Variants in COG5 observed in about 807,000 individuals in gnomAD.
The protein encoded by COG5 is component of oligomeric golgi complex 5, also known as conserved oligomeric Golgi complex subunit 5.
Under a neutral mutation model 110.4 loss-of-function variants are expected in COG5, and 86 were observed. The observed-to-expected ratio is 0.78, with a 90% CI of 0.65 to 0.93. The LOEUF (loss-of-function observed/expected upper bound fraction) is 0.93, where lower values mean the gene tolerates loss of function less well. Among genes scored for constraint, COG5 ranks in the 40% least tolerant of loss-of-function variants. COG5 has a pLI of 0.00. For synonymous variants in COG5, 360 were observed against 334.6 expected, an observed-to-expected ratio of 1.08 and a Z score of -0.83; for missense variants, 1,077 against 987.0, an observed-to-expected ratio of 1.09 and a Z score of -1.22.
At chr7:107,249,413 A>G (rs1584571720) in intron 16 of COG5, among the ~76,000 whole-genome samples, 1 of 152,250 alleles carries the variant, frequency 6.6e-6, no homozygotes, top group Admixed American at 6.5e-5. Context: ...GAAACTGTTC[A>G]ACAGGGAGGT....
At chr7:107,512,253 C>T (rs1479473784) in intron 6 of COG5, among the ~76,000 whole-genome samples, 1 of 152,108 alleles carries the variant, frequency 6.6e-6, no homozygotes, top group African/African-American at 2.4e-5. Context: ...ACACCAATAA[C>T]AGACAAACAG....
In COG5 at chr7:107,268,791, C is replaced by T. The variant is rs549008375; in HGVS notation, c.1576-10408G>A. 5.8e-4 allele frequency among the ~76,000 whole-genome samples: 89 copies of T among 152,284 alleles called. No homozygotes were observed. In the South Asian group the frequency reaches 0.016, roughly 28 times the overall value. On this transcript the variant is annotated intron_variant, in intron 14 of 21. Transcript: ENST00000297135. ...GGTCTATTCTGTCTAATGTTAATAT[C>T]GTTATGTCAGCATTCTTCTGATTAG...
chr7:107,390,016 C>T (rs1336384590), intron 7 of COG5, among the ~76,000 whole-genome samples: 1 of 152,196 alleles, frequency 6.6e-6, no homozygotes, highest in African/African-American at 2.4e-5. Flanking sequence ...GGTGCAAGAA[C>T]AGGCTTGGTT....
At chr7:107,514,411 A>G (rs1415201341) in intron 6 of COG5, among the ~76,000 whole-genome samples, 1 of 151,976 alleles carries the variant, frequency 6.6e-6, no homozygotes, top group Non-Finnish European at 1.5e-5. Flanking sequence ...TAGCTCAATC[A>G]GAAGTCATTT....
At chr7:107,499,621 G>C (rs1311880536) in intron 6 of COG5, among the ~76,000 whole-genome samples, 1 of 151,926 alleles carries the variant, frequency 6.6e-6, no homozygotes, top group African/African-American at 2.4e-5. Context: ...TGGCCCAGCT[G>C]GTCTCGAACT....
rs888135291 is a variant in COG5 at position 107,546,063 on chromosome 7, G to A, written c.417+2048C>T. ...GGTATTAAACTAGAAATCAATAAAGGATGGATTTCGAAAAATTCACCAAAA... is the reference window on the plus strand; with the variant it reads ...GGTATTAAACTAGAAATCAATAAAGAATGGATTTCGAAAAATTCACCAAAA... On this transcript the variant is annotated intron_variant, in intron 5 of 21. Coordinates refer to ENST00000297135, the MANE Select transcript of COG5 (RefSeq NM_006348.5). Among the ~76,000 whole-genome samples the A allele has an allele frequency of 3.3e-5, 5 of 151,968 alleles. No homozygotes were observed. In the South Asian group the frequency reaches 6.2e-4, roughly 19 times the overall value.
chr7:107,359,967 C>T (rs964170703), intron 10 of COG5, among the ~76,000 whole-genome samples: 1 of 152,162 alleles, frequency 6.6e-6, no homozygotes, highest in African/African-American at 2.4e-5. Context: ...GAGGGCTGCA[C>T]AGGTGGCAAG....
At chr7:107,450,028 G>A (rs1795241507) in intron 6 of COG5, 1 of 152,186 alleles carries the variant, frequency 6.6e-6, no homozygotes, top group Non-Finnish European at 1.5e-5. Flanking sequence ...AAAGGGGTGT[G>A]GCTTTAAAAA....
intron 10 of COG5, among the ~76,000 whole-genome samples, chr7:107,359,847 T>C (rs1279323891): frequency 2.7e-5 from 4 of 149,516 alleles, no homozygotes; most frequent in East Asian, 2.0e-4. Flanking sequence ...GATGACCAGC[T>C]TGCAGATGGG....
chr7:107,251,049 A>G (rs1451507523), intron 16 of COG5, among the ~76,000 whole-genome samples: 1 of 151,722 alleles, frequency 6.6e-6, no homozygotes, highest in Non-Finnish European at 1.5e-5. Flanking sequence ...CAGATCCCAA[A>G]CAGGATAATT....
chr7:107,299,597 T>C (rs1157776282), intron 11 of COG5, among the ~76,000 whole-genome samples: 1 of 151,774 alleles, frequency 6.6e-6, no homozygotes, highest in African/African-American at 2.4e-5. Context: ...TCAAGCAATT[T>C]AAGAAAGAAA....
chr7:107,318,110 C>T (rs948400474), intron 11 of COG5, among the ~76,000 whole-genome samples: 4 of 152,064 alleles, frequency 2.6e-5, no homozygotes, highest in African/African-American at 9.7e-5. Flanking sequence ...TCACTGCAAC[C>T]TCCACCTTCC....
At chr7:107,409,253 C>G (rs1174623918) in intron 7 of COG5, among the ~76,000 whole-genome samples, 1 of 125,164 alleles carries the variant, frequency 8.0e-6, no homozygotes. Context: ...AAAAAGAAAA[C>G]AGGAGAGATT....
intron 11 of COG5, among the ~76,000 whole-genome samples, chr7:107,313,590 TA>T (rs1458813850): frequency 1.3e-5 from 2 of 152,182 alleles, no homozygotes; most frequent in Non-Finnish European, 2.9e-5. Flanking sequence ...CTGGAGGTTC[TA>T]GGGGGAATTC....
chr7:107,272,591 G>A (rs948070713), intron 14 of COG5, among the ~76,000 whole-genome samples: 1 of 151,984 alleles, frequency 6.6e-6, no homozygotes, highest in African/African-American at 2.4e-5. Flanking sequence ...AAATATTTTT[G>A]TTTTCATAAA....
intron 6 of COG5, among the ~76,000 whole-genome samples, chr7:107,511,951 C>A (rs927001264): frequency 3.9e-5 from 6 of 152,144 alleles, no homozygotes; most frequent in African/African-American, 1.4e-4. Context: ...ACAGAATGGG[C>A]AAAAACTGGA....
At chr7:107,286,137 A>G (rs1279756842) in intron 12 of COG5, among the ~76,000 whole-genome samples, 2 of 151,610 alleles carry the variant, frequency 1.3e-5, no homozygotes, top group Admixed American at 1.3e-4. Context: ...ATTGCTTTCC[A>G]TGAGGAAAGA....
intron 18 of COG5, among the ~76,000 whole-genome samples, chr7:107,233,199 T>C (rs1255006044): frequency 6.6e-6 from 1 of 152,148 alleles, no homozygotes; most frequent in African/African-American, 2.4e-5. Context: ...GAAAATAAAC[T>C]GAGGGGTGGA....
intron 18 of COG5, among the ~76,000 whole-genome samples, chr7:107,234,715 G>T (rs1801040897): frequency 6.6e-6 from 1 of 151,292 alleles, no homozygotes; most frequent in Admixed American, 6.6e-5. Flanking sequence ...GAAACAAAAA[G>T]AAAAACAAAA....
Sources: gnomAD v4.1 joint callset for allele counts (sites outside exome capture counted in the v4.1 genomes callset) on GRCh38, gnomAD v4.1.1 for gene constraint, MANE v1.5 for transcripts, NCBI Gene and HGNC (gene_info 2026-07-23, HGNC 2026-07-21) for gene names.